Variants in MTUS2 observed in about 807,000 individuals in gnomAD.
MTUS2 encodes the protein microtubule associated scaffold protein 2.
In MTUS2, 40 loss-of-function variants were observed where a neutral mutation model predicts 114.1. The ratio of observed to expected loss-of-function variants is 0.35; its 90% CI spans 0.27 to 0.46. The LOEUF is 0.46. Ranked by LOEUF, MTUS2 falls within the 20% of genes least tolerant of loss-of-function variation. The pLI is 1.00. For synonymous variants in MTUS2, 688 were observed against 672.0 expected (o/e 1.02, Z -0.37); for missense variants, 1,679 against 1,705.4 (o/e 0.98, Z 0.27).
chr13:29,173,221 GGTTT>G (rs1893634631), intron 5 of MTUS2, among the ~76,000 whole-genome samples: 1 of 151,942 alleles, frequency 6.6e-6, no homozygotes, highest in Admixed American at 6.6e-5. Flanking sequence ...CTACTCTAAG[GGTTT>G]GTTTATGTTC....
intron 12 of MTUS2, among the ~76,000 whole-genome samples, chr13:29,494,540 G>T (rs1271437263): frequency 6.6e-6 from 1 of 151,358 alleles, no homozygotes; most frequent in Admixed American, 6.6e-5. Context: ...GCAGCACTGA[G>T]GAGGTTTGGT....
At position 29,337,016 on chromosome 13, in the gene MTUS2, T is replaced by C. The variant is rs149392205; in HGVS notation, c.2905+12305T>C. The stretch of plus-strand genomic sequence containing the variant: ...CCCCACCAAGCTCAAGGGTCCCAGG[T>C]TGACTTCAGAGTGCTGTGCTGGCAG... On this transcript the variant is annotated intron_variant, in intron 7 of 15. Transcript: ENST00000612955. 3.7e-4 allele frequency among the ~76,000 whole-genome samples: 56 copies of C among 152,290 alleles called. No individual in the cohort carries two copies. The East Asian group carries it at 0.01, about 28-fold the overall frequency.
chr13:28,998,112 C>T (rs1345896616), intron 2 of MTUS2, among the ~76,000 whole-genome samples: 2 of 151,590 alleles, frequency 1.3e-5, no homozygotes, highest in African/African-American at 4.8e-5. Context: ...TCAGCATTTG[C>T]TTTGCTGTAA....
rs200310020 is a variant in MTUS2, at chr13:29,501,123, A to G, written c.3825A>G (p.Glu1275=). The G allele has an allele frequency of 6.2e-7, 1 of 1,614,050 alleles. No individual in the cohort carries two copies. The highest frequency in any genetic ancestry group is 1.3e-5 in the African/African-American group (1 of 74,926). The change falls in exon 15 of 16, where the codon GAA becomes GAG. Residue 1275 remains glutamate, a synonymous_variant. Transcript: ENST00000612955. ...CAGAAAAGAACATTATCCTAGAAGA[A>G]AAGATCCAGGTTCTCCAACAGCAGA... ...KLAEKNIILE[E]KIQVLQQQNE...
At chr13:29,297,238 C>A (rs1403586060) in intron 6 of MTUS2, among the ~76,000 whole-genome samples, 2 of 152,096 alleles carry the variant, frequency 1.3e-5, no homozygotes, top group African/African-American at 4.8e-5. Flanking sequence ...CTTTGTCTTA[C>A]ATGTAATATT....
At chr13:29,321,874 G>A (rs928487494) in intron 6 of MTUS2, among the ~76,000 whole-genome samples, 1 of 152,040 alleles carries the variant, frequency 6.6e-6, no homozygotes. Context: ...ATGAAAATGG[G>A]GTAATTCCAT....
chr13:29,254,600 G>A (rs1897235756), intron 5 of MTUS2, among the ~76,000 whole-genome samples: 1 of 152,150 alleles, frequency 6.6e-6, no homozygotes, highest in Admixed American at 6.5e-5. Context: ...ATAGGCAGTG[G>A]GATTTCTATT....
intron 5 of MTUS2, among the ~76,000 whole-genome samples, chr13:29,250,916 A>G (rs572757808): frequency 3.3e-5 from 5 of 152,308 alleles, no homozygotes; most frequent in African/African-American, 4.8e-5. Flanking sequence ...CAGACTGTCT[A>G]TATTGACCAA....
chr13:28,928,182 T>C (rs1164238785), intron 2 of MTUS2, among the ~76,000 whole-genome samples: 2 of 151,836 alleles, frequency 1.3e-5, no homozygotes, highest in Non-Finnish European at 2.9e-5. Flanking sequence ...TAGCAGGACA[T>C]TGACATGGGT....
At chr13:29,374,557 A>G (rs1488907466) in intron 8 of MTUS2, among the ~76,000 whole-genome samples, 1 of 152,222 alleles carries the variant, frequency 6.6e-6, no homozygotes, top group Non-Finnish European at 1.5e-5. Flanking sequence ...TAGTGAAACA[A>G]ACATCAACCC....
intron 9 of MTUS2, among the ~76,000 whole-genome samples, chr13:29,464,256 A>C (rs570477787): frequency 6.6e-6 from 1 of 152,246 alleles, no homozygotes; most frequent in African/African-American, 2.4e-5. Context: ...GAGGATGAGA[A>C]GCTGAAGGCG....
At chr13:29,384,860 GA>G (rs1350170085) in intron 8 of MTUS2, among the ~76,000 whole-genome samples, 1 of 152,232 alleles carries the variant, frequency 6.6e-6, no homozygotes, top group Non-Finnish European at 1.5e-5. Context: ...ATTTCTAGCT[GA>G]AAACAGACCA....
intron 8 of MTUS2, among the ~76,000 whole-genome samples, chr13:29,436,564 A>G (rs1333026961): frequency 2.6e-5 from 4 of 152,200 alleles, no homozygotes; most frequent in Non-Finnish European, 5.9e-5. Flanking sequence ...TTGAGTCATC[A>G]GGTTTGTTGC....
intron 5 of MTUS2, among the ~76,000 whole-genome samples, chr13:29,220,941 T>C (rs181875079): frequency 6.6e-6 from 1 of 152,312 alleles, no homozygotes; most frequent in East Asian, 1.9e-4. Context: ...TGGTGAAGTA[T>C]ATATTACAAA....
rs539868755 is a variant in MTUS2 at position 29,147,254 on chromosome 13, G to A, written c.2644+46284G>A. Among the ~76,000 whole-genome samples, 16 of 152,066 alleles carry A rather than the reference G, an allele frequency of 1.1e-4. No individual in the cohort carries two copies. In the South Asian group the frequency reaches 3.3e-3, roughly 32 times the overall value. Reference sequence around the variant, plus strand: ...CACCCACACATCAACTCCTTTCCTTGGAAAACTTCTACAGTTGATACAATG... The same window carrying A: ...CACCCACACATCAACTCCTTTCCTTAGAAAACTTCTACAGTTGATACAATG... On this transcript the variant is annotated intron_variant, in intron 5 of 15. Coordinates refer to ENST00000612955, the MANE Select transcript of MTUS2 (RefSeq NM_001033602.4).
intron 5 of MTUS2, among the ~76,000 whole-genome samples, chr13:29,249,852 T>C (rs2139426382): frequency 6.6e-6 from 1 of 152,300 alleles, no homozygotes; most frequent in South Asian, 2.1e-4. Context: ...ACCCCATCCT[T>C]ACACCTTATA....
chr13:28,961,334 C>G (rs1308367367), intron 2 of MTUS2, among the ~76,000 whole-genome samples: 2 of 152,038 alleles, frequency 1.3e-5, no homozygotes, highest in Non-Finnish European at 2.9e-5. Flanking sequence ...AGAACATATT[C>G]TAATCAAACT....
intron 2 of MTUS2, among the ~76,000 whole-genome samples, chr13:29,008,815 T>C (rs1885713187): frequency 6.6e-6 from 1 of 152,172 alleles, no homozygotes; most frequent in Non-Finnish European, 1.5e-5. Flanking sequence ...TTGCATATTG[T>C]AATTTTTTTT....
intron 2 of MTUS2, among the ~76,000 whole-genome samples, chr13:28,873,347 A>G (rs1877737585): frequency 6.6e-6 from 1 of 152,196 alleles, no homozygotes; most frequent in South Asian, 2.1e-4. Context: ...CATCATTTAG[A>G]TAGAAGCACA....
Sources: allele counts gnomAD v4.1 joint callset (sites outside exome capture counted in the v4.1 genomes callset), GRCh38; gene constraint gnomAD v4.1.1; transcripts MANE v1.5; gene names NCBI Gene and HGNC (gene_info 2026-07-23, HGNC 2026-07-21).